COG3: variants seen among roughly 807,000 people sequenced by gnomAD.
The protein encoded by COG3 is conserved oligomeric Golgi complex subunit 3.
COG3 carries 32 observed loss-of-function variants against 114.1 expected under a neutral mutation model. That is an observed-to-expected ratio of 0.28 (90% confidence interval 0.21 to 0.38). The LOEUF (loss-of-function observed/expected upper bound fraction) is 0.38, where lower values mean the gene tolerates loss of function less well. COG3 is among the 10% of genes least tolerant of loss of function. The pLI is 1.00. For missense variants in COG3, 813 were observed against 973.2 expected, an observed-to-expected ratio of 0.84 and a Z score of 2.19; for synonymous variants, 352 against 365.7, an observed-to-expected ratio of 0.96 and a Z score of 0.43.
intron 8 of COG3, among the ~76,000 whole-genome samples, chr13:45,490,304 C>T (rs1157709161): frequency 6.6e-6 from 1 of 152,132 alleles, no homozygotes; most frequent in Non-Finnish European, 1.5e-5. Flanking sequence ...GGGGTCCCCA[C>T]CTGGGAGGTA....
At chr13:45,494,314 A>T (rs2137835049) in intron 12 of COG3, among the ~76,000 whole-genome samples, 1 of 151,058 alleles carries the variant, frequency 6.6e-6, no homozygotes, top group African/African-American at 2.4e-5. Context: ...AACAACAGCA[A>T]GACTCTGTCT....
intron 1 of COG3, among the ~76,000 whole-genome samples, chr13:45,474,498 A>G (rs963080688): frequency 2.0e-5 from 3 of 152,116 alleles, no homozygotes; most frequent in African/African-American, 7.2e-5. Flanking sequence ...TATGATACAG[A>G]CAGTGTATCC....
At chr13:45,466,060 T>A (rs921585556) in intron 1 of COG3, among the ~76,000 whole-genome samples, 3 of 152,070 alleles carry the variant, frequency 2.0e-5, no homozygotes, top group Non-Finnish European at 4.4e-5. Flanking sequence ...GGAAGCATTC[T>A]TTTCTCTCGC....
chr13:45,518,914 T>C lies in COG3; in HGVS notation c.2020-46T>C, dbSNP rs749822387. 8.1e-6 allele frequency: 13 copies of C among 1,613,078 alleles called. No homozygotes were observed. In the Admixed American group the frequency reaches 1.5e-4, roughly 19 times the overall value. On this transcript the variant is annotated intron_variant, in intron 18 of 22. Coordinates refer to ENST00000349995, the MANE Select transcript of COG3 (RefSeq NM_031431.4). ...CGACATTCTTTACATGTCTGGTGAT[T>C]TCTAGGCACATAAAAACAGGAGGAA... is the stretch of plus-strand genomic sequence containing the variant.
Position 45,492,987 on chromosome 13 carries a change from G to A in COG3, c.1188-360G>A, listed in dbSNP as rs542896237. Among the ~76,000 whole-genome samples the A allele has an allele frequency of 7.0e-4, 106 of 152,234 alleles. 2 individuals are homozygous for A. The highest frequency in any genetic ancestry group is 2.5e-3 in the African/African-American group (102 of 41,552). On this transcript the variant is annotated intron_variant, in intron 11 of 22. Transcript: ENST00000349995. ...TCGGGGAAAAAGTTACCATTTGATT[G>A]ATAGTGAAGTAGAATATAAAAGGTA...
At chr13:45,486,294 AGACG>A (rs1205490848) in intron 7 of COG3, among the ~76,000 whole-genome samples, 197 bp from the exon 8 acceptor site, 3 of 76,126 alleles carry the variant, frequency 3.9e-5, no homozygotes, top group Non-Finnish European at 7.2e-5. Flanking sequence ...GACCATCGGG[AGACG>A]GGAGACGGGA....
At position 45,493,412 on chromosome 13, in the gene COG3, T is replaced by C. The variant is rs753832614; in HGVS notation, c.1253T>C (p.Ile418Thr). The C allele has an allele frequency of 1.9e-6, 3 of 1,613,378 alleles. No homozygotes were observed. The highest frequency in any genetic ancestry group is 1.1e-5 in the South Asian group (1 of 91,056). The change falls in exon 12 of 23, where the codon ATT becomes ACT. Residue 418 changes from isoleucine to threonine, a missense_variant. This residue lies in a region of COG3 where 389 missense variants were observed against 542.6 expected (regional missense o/e 0.72). Transcript: ENST00000349995. The stretch of plus-strand genomic sequence containing the variant: ...TTCAGGCCATTGATCATTCATGTTA[T>C]TCACTTAGAGACTCTGTCGGAACTT... ...DVFRPLIIHV[I>T]HLETLSELCG...
intron 15 of COG3, 71 bp from the exon 16 acceptor site, chr13:45,511,694 C>A: frequency 8.9e-7 from 1 of 1,127,914 alleles, no homozygotes; most frequent in Non-Finnish European, 1.3e-6. Flanking sequence ...TTTGCACTTA[C>A]AGCCTAGGAT....
intron 10 of COG3, 66 bp downstream of exon 10, chr13:45,491,604 A>G: frequency 6.9e-7 from 1 of 1,451,348 alleles, no homozygotes; most frequent in Admixed American, 2.2e-5. Context: ...TATCCTAGAA[A>G]CTATACCTGG....
Position 45,483,214 on chromosome 13 carries a change from TCTCTTTTCCTTA to T in COG3, c.718-14_718-3del, listed in dbSNP as rs1180603746. ...TGTTCATTTCCACTTTGTAAATCTT[TCTCTTTTCCTTA>T]CAGCCTAATTTTAAAGATTATCCCA... On this transcript the variant is annotated splice_region_variant and splice_polypyrimidine_tract_variant and intron_variant, in intron 6 of 22. Coordinates refer to ENST00000349995, the MANE Select transcript of COG3 (RefSeq NM_031431.4). 1.1e-5 allele frequency: 17 copies of T among 1,569,282 alleles called. No individual in the cohort carries two copies. The highest frequency in any genetic ancestry group is 1.5e-5 in the Non-Finnish European group (17 of 1,149,236).
intron 21 of COG3, 23 bp from the exon 22 acceptor site, chr13:45,530,659 G>A (rs2137932309): frequency 2.2e-6 from 3 of 1,393,340 alleles, no homozygotes; most frequent in Non-Finnish European, 3.1e-6. Flanking sequence ...CATTTGATAA[G>A]ATCTCCTCTC....
chr13:45,503,327 GTC>G lies in COG3; in HGVS notation c.1574_1575del (p.Ser525Ter), dbSNP rs1176765105. ...FSDVHLEEGE[S>X]NSLTKSGSTE... ...CAGATGTTCACTTAGAAGAAGGAGA[GTC>G]TAACAGTCTGACAAAATCTGGTATG... On this transcript the variant is annotated frameshift_variant, in exon 14 of 23. Transcript: ENST00000349995. LOFTEE classifies it high-confidence loss of function. The G allele has an allele frequency of 6.3e-7, 1 of 1,587,326 alleles. No individual in the cohort carries two copies. Among genetic ancestry groups the G allele is most frequent in the African/African-American group, 1.3e-5 (1 of 74,392 alleles).
At chr13:45,477,474 A>G (rs1034101327) in intron 2 of COG3, among the ~76,000 whole-genome samples, 1 of 152,204 alleles carries the variant, frequency 6.6e-6, no homozygotes, top group African/African-American at 2.4e-5. Context: ...GTATGTAACT[A>G]ACAACTATAA....
chr13:45,516,065 G>T, intron 16 of COG3, 78 bp from the exon 17 acceptor site: 1 of 1,059,276 alleles, frequency 9.4e-7, no homozygotes, highest in East Asian at 2.7e-5. Context: ...GATTAATGTT[G>T]ATTAATAATG....
At chr13:45,530,633 C>T (rs772750244) in intron 21 of COG3, 49 bp from the exon 22 acceptor site, 20 of 1,091,000 alleles carry the variant, frequency 1.8e-5, no homozygotes, top group Non-Finnish European at 2.4e-5. Flanking sequence ...CATGGTGCTT[C>T]GTGTTTAAGA....
intron 6 of COG3, among the ~76,000 whole-genome samples, chr13:45,482,963 G>A (rs1267704786): frequency 6.6e-6 from 1 of 152,082 alleles, no homozygotes; most frequent in Non-Finnish European, 1.5e-5. Flanking sequence ...TTACATATTA[G>A]CCTTGAAGTC....
At chr13:45,487,588 A>G (rs971237807) in intron 8 of COG3, among the ~76,000 whole-genome samples, 2 of 152,236 alleles carry the variant, frequency 1.3e-5, no homozygotes, top group Admixed American at 6.5e-5. Context: ...CTGAGTAGAC[A>G]TTTCTCAAAA....
rs555225214 is a variant in COG3, at chr13:45,528,617, A to T, written c.2231-1174A>T. ...TAAAGTTTCCTTCCCAAAATTGTTTATGTGTTTACTAGCACATGTGGACTT... is the reference window on the plus strand; with the variant it reads ...TAAAGTTTCCTTCCCAAAATTGTTTTTGTGTTTACTAGCACATGTGGACTT... On this transcript the variant is annotated intron_variant, in intron 20 of 22. Coordinates refer to ENST00000349995, the MANE Select transcript of COG3 (RefSeq NM_031431.4). Among the ~76,000 whole-genome samples, 11 of 152,332 alleles carry T rather than the reference A, an allele frequency of 7.2e-5. No homozygotes were observed. In the East Asian group the frequency reaches 1.9e-3, roughly 27 times the overall value.
At chr13:45,512,365 T>A (rs1870957450) in intron 16 of COG3, among the ~76,000 whole-genome samples, 1 of 152,150 alleles carries the variant, frequency 6.6e-6, no homozygotes, top group African/African-American at 2.4e-5. Flanking sequence ...AGGGTCTTGC[T>A]TTGTCTCCCT....
Sources: allele counts gnomAD v4.1 joint callset (sites outside exome capture counted in the v4.1 genomes callset), GRCh38; gene constraint gnomAD v4.1.1; regional missense constraint gnomAD v4.1.1; transcripts MANE v1.5; gene names NCBI Gene and HGNC (gene_info 2026-07-23, HGNC 2026-07-21).